Variants in ACOT1 observed in about 807,000 individuals in gnomAD.
ACOT1 encodes the protein acyl-coenzyme A thioesterase 1.
Under a neutral mutation model 15.7 loss-of-function variants are expected in ACOT1, and 8 were observed. That is an observed-to-expected ratio of 0.51 (90% confidence interval 0.30 to 0.92). The LOEUF (loss-of-function observed/expected upper bound fraction) is 0.92. Among genes scored for constraint, ACOT1 ranks in the 40% least tolerant of loss-of-function variants. The probability of loss-of-function intolerance (pLI) is 0.06; values close to 1 mark genes in which losing one functional copy is unlikely to be tolerated. For missense variants in ACOT1, 151 were observed against 539.4 expected, an observed-to-expected ratio of 0.28 and a Z score of 7.13; for synonymous variants, 67 against 241.2, an observed-to-expected ratio of 0.28 and a Z score of 6.69.
the ACOT1 span, chr14:73,492,423 C>G: frequency 6.2e-7 from 1 of 1,613,718 alleles, no homozygotes; most frequent in African/African-American, 1.3e-5. The surrounding 1 kb of genome is among the most constrained non-coding windows in gnomAD (Gnocchi z 4.9). Flanking sequence ...CATTCAGATT[C>G]TAAGGATCCG....
chr14:73,500,217 G>A, the ACOT1 span, among the ~76,000 whole-genome samples: 2 of 151,908 alleles, frequency 1.3e-5, no homozygotes, highest in South Asian at 2.1e-4. Flanking sequence ...GTCACAGAGC[G>A]AGACTCCGTC....
upstream of ACOT1, among the ~76,000 whole-genome samples, chr14:73,536,472 G>A (rs1160429733): frequency 1.1e-5 from 1 of 92,948 alleles, no homozygotes; most frequent in Non-Finnish European, 2.2e-5. Context: ...ATGGTAAACC[G>A]CCGCTGTACT....
the ACOT1 span, chr14:73,522,454 C>T: frequency 6.2e-7 from 1 of 1,614,220 alleles, no homozygotes; most frequent in East Asian, 2.2e-5. Context: ...GGAAGCTCTG[C>T]CACTTGTTGG....
the ACOT1 span, among the ~76,000 whole-genome samples, chr14:73,509,866 A>ATATTTATATATTTATTTATT: frequency 3.0e-5 from 2 of 67,512 alleles, no homozygotes; most frequent in African/African-American, 1.3e-4. Flanking sequence ...ATATATATAT[A>ATATTTATATATTTATTTATT]TATTTATTTA....
the ACOT1 span, among the ~76,000 whole-genome samples, chr14:73,528,392 CAAAAAAAAAAAA>C: frequency 5.6e-5 from 5 of 88,518 alleles, no homozygotes; most frequent in South Asian, 1.0e-3. Flanking sequence ...AACTTCATCT[CAAAAAAAAAAAA>C]AAAAAAAAAA....
the ACOT1 span, among the ~76,000 whole-genome samples, chr14:73,494,656 T>C: frequency 6.6e-6 from 1 of 152,134 alleles, no homozygotes; most frequent in Non-Finnish European, 1.5e-5. Context: ...GCTCAAGCAA[T>C]CCTCCCATCT....
chr14:73,506,802 C>CTTTTTTTTTT, the ACOT1 span, among the ~76,000 whole-genome samples: 12 of 58,022 alleles, frequency 2.1e-4, no homozygotes, highest in East Asian at 9.2e-4. Context: ...CTGACTTTAA[C>CTTTTTTTTTT]TGTTTTTTTT....
the ACOT1 span, chr14:73,495,126 C>CT: frequency 1.0e-6 from 1 of 995,806 alleles, no homozygotes; most frequent in South Asian, 1.7e-5. Flanking sequence ...TTTCCTGACT[C>CT]TTTCATCCTC....
chr14:73,525,240 C>T, the ACOT1 span, among the ~76,000 whole-genome samples: 1 of 152,036 alleles, frequency 6.6e-6, no homozygotes, highest in Admixed American at 6.6e-5. Flanking sequence ...CACTATGTTG[C>T]CCAGGCTGGT....
the ACOT1 span, among the ~76,000 whole-genome samples, chr14:73,493,550 A>G: frequency 6.6e-6 from 1 of 151,960 alleles, no homozygotes; most frequent in South Asian, 2.1e-4. Context: ...TAAGGAAGAG[A>G]CTCTCAGGCT....
chr14:73,519,607 C>T, the ACOT1 span, among the ~76,000 whole-genome samples: 1 of 152,088 alleles, frequency 6.6e-6, no homozygotes, highest in Non-Finnish European at 1.5e-5. Context: ...TAGCTGGGTA[C>T]AGCTACTCGG....
chr14:73,542,465 C>T (rs1234003724), intron 2 of ACOT1, among the ~76,000 whole-genome samples: 1 of 95,522 alleles, frequency 1.0e-5, no homozygotes, highest in African/African-American at 3.7e-5. Flanking sequence ...AGTGCAGTGG[C>T]ATGATCTCGG....
chr14:73,500,696 C>CA, the ACOT1 span: 2 of 1,614,094 alleles, frequency 1.2e-6, no homozygotes, highest in East Asian at 4.5e-5. Context: ...AGAGCTTCCA[C>CA]ACGCTCCTGG....
At chr14:73,509,433 G>T in the ACOT1 span, 2 of 1,614,022 alleles carry the variant, frequency 1.2e-6, no homozygotes, top group Non-Finnish European at 1.7e-6. Context: ...CAGCCTCTAG[G>T]GCAGGCAGTA....
At chr14:73,532,704 T>C (rs150451180), upstream of ACOT1, among the ~76,000 whole-genome samples, 1,486 of 115,224 alleles carry the variant, frequency 0.013, 416 homozygotes, top group South Asian at 0.019. Flanking sequence ...CTCATAATCC[T>C]AGCACTTTGG....
Position 73,537,935 on chromosome 14 carries a change from C to CTGTG in ACOT1, c.457+71_457+74dup, listed in dbSNP as rs375758117. 1.7e-4 allele frequency: 181 copies of CTGTG among 1,094,214 alleles called. 2 individuals carry two copies. In the African/African-American group the frequency reaches 1.9e-3, roughly 12 times the overall value. The allele number at this position is 1,094,214 out of a possible 1,614,324, so 67.8% of individuals were successfully genotyped here. On this transcript the variant is annotated intron_variant, in intron 1 of 2. Transcript: ENST00000311148. The stretch of plus-strand genomic sequence containing the variant: ...CCCATCCCTGTTCCTGCGCTTTCCA[C>CTGTG]TGTGTGTGTGTGTGTGTCCCCTTCG...
the ACOT1 span, among the ~76,000 whole-genome samples, chr14:73,501,520 G>C: frequency 6.6e-6 from 1 of 150,876 alleles, no homozygotes; most frequent in Non-Finnish European, 1.5e-5. Context: ...CTGAGTAGCT[G>C]GGATTATAGG....
chr14:73,522,730 A>C, the ACOT1 span: 1 of 1,614,208 alleles, frequency 6.2e-7, no homozygotes, highest in Non-Finnish European at 8.5e-7. Context: ...CGGGATTGGC[A>C]GAGCTTTCTG....
At chr14:73,491,117 T>C in the ACOT1 span, 4 of 1,606,742 alleles carry the variant, frequency 2.5e-6, no homozygotes, top group African/African-American at 1.3e-5. Context: ...GGCCCTGCCC[T>C]TGAGGTCCAG....
Sources: allele counts gnomAD v4.1 joint callset (sites outside exome capture counted in the v4.1 genomes callset), GRCh38; gene constraint gnomAD v4.1.1; non-coding constraint Gnocchi (gnomAD v3.1); transcripts MANE v1.5; gene names NCBI Gene and HGNC (gene_info 2026-07-23, HGNC 2026-07-21).